UBAP1: variants seen among roughly 807,000 people sequenced by gnomAD.
The protein encoded by UBAP1 is ubiquitin associated protein 1.
Under a neutral mutation model 39.0 loss-of-function variants are expected in UBAP1, and 5 were observed. The observed-to-expected ratio is 0.13, with a 90% CI of 0.07 to 0.27. The LOEUF (loss-of-function observed/expected upper bound fraction) is 0.27, where lower values mean the gene tolerates loss of function less well. Ranked by LOEUF, UBAP1 falls within the 10% of genes least tolerant of loss-of-function variation. The pLI, the probability that UBAP1 is intolerant of heterozygous loss-of-function variation, is 1.00. For missense variants in UBAP1, 490 were observed against 608.1 expected, an observed-to-expected ratio of 0.81 and a Z score of 2.04; for synonymous variants, 211 against 225.1, an observed-to-expected ratio of 0.94 and a Z score of 0.56.
At position 34,182,663 on chromosome 9, in the gene UBAP1, CTTTCTTTCTT is replaced by C. The variant is rs1193440386; in HGVS notation, c.-8+3425_-8+3434del. 1.4e-3 allele frequency among the ~76,000 whole-genome samples: 90 copies of C among 62,826 alleles called. 2 individuals carry two copies. Among genetic ancestry groups the C allele is most frequent in the Admixed American group, 4.2e-3 (21 of 5,046 alleles). The allele number at this position is 62,826 out of a possible 152,430, so 41.2% of individuals were successfully genotyped here. A position where few individuals can be genotyped will look rare whatever the true frequency, so the allele number is the denominator to read the frequency against. On this transcript the variant is annotated intron_variant, in intron 1 of 6. Transcript: ENST00000297661. ...TCTTTCTTTCTTTCTTTCTTTCTTTCTTTCTTTCTTTCTTTCTTTCTCTCTCTCTTTCTTT... is the reference window on the plus strand; with the variant it reads ...TCTTTCTTTCTTTCTTTCTTTCTTTCTCTTTCTTTCTCTCTCTCTTTCTTT...
chr9:34,210,539 C>T (rs1831957041), intron 1 of UBAP1, among the ~76,000 whole-genome samples: 2 of 151,630 alleles, frequency 1.3e-5, no homozygotes, highest in African/African-American at 2.4e-5. Flanking sequence ...GCCAACATGG[C>T]AAAAACCCAT....
At chr9:34,235,373 C>CT in intron 3 of UBAP1, among the ~76,000 whole-genome samples, 2 of 152,032 alleles carry the variant, frequency 1.3e-5, no homozygotes, top group African/African-American at 4.8e-5. Flanking sequence ...GAGTCTCACT[C>CT]TGTCGCCCAG....
chr9:34,211,037 A>T (rs1402369214), intron 1 of UBAP1, among the ~76,000 whole-genome samples: 1 of 152,184 alleles, frequency 6.6e-6, no homozygotes, highest in Non-Finnish European at 1.5e-5. Flanking sequence ...TGGGATGATG[A>T]ACATATGATT....
At chr9:34,224,086 G>T in intron 2 of UBAP1, 2 of 693,650 alleles carry the variant, frequency 2.9e-6, no homozygotes, top group Non-Finnish European at 4.7e-6. Context: ...GCCTTGAAGT[G>T]ATGCACGCAA....
chr9:34,212,654 A>G (rs940674937), intron 1 of UBAP1, among the ~76,000 whole-genome samples: 2 of 152,102 alleles, frequency 1.3e-5, no homozygotes, highest in African/African-American at 4.8e-5. Context: ...CCTAGCTTAA[A>G]TCAGGAGGAA....
At chr9:34,231,127 ATG>A (rs6150983) in intron 2 of UBAP1, among the ~76,000 whole-genome samples, 3,185 of 137,016 alleles carry the variant, frequency 0.023, 32 homozygotes, top group South Asian at 0.039. Context: ...TAAAAAAATT[ATG>A]TGTGTGTGTG....
At chr9:34,211,623 C>T (rs1832021742) in intron 1 of UBAP1, among the ~76,000 whole-genome samples, 5 of 152,086 alleles carry the variant, frequency 3.3e-5, no homozygotes, top group Admixed American at 3.3e-4. Context: ...CTTTCTCCTC[C>T]CCTTCTCAGA....
intron 1 of UBAP1, among the ~76,000 whole-genome samples, chr9:34,189,369 A>C (rs917737070): frequency 6.6e-6 from 1 of 150,640 alleles, no homozygotes; most frequent in African/African-American, 2.4e-5. Context: ...TTATATTTTT[A>C]GTAGAAATGG....
chr9:34,223,734 C>T (rs10972008), intron 2 of UBAP1, among the ~76,000 whole-genome samples: 1 of 152,148 alleles, frequency 6.6e-6, no homozygotes, highest in Non-Finnish European at 1.5e-5. Context: ...GGGTTACAGG[C>T]GTGAGCCACC....
At chr9:34,196,032 C>G (rs1019082423) in intron 1 of UBAP1, among the ~76,000 whole-genome samples, 1 of 135,806 alleles carries the variant, frequency 7.4e-6, no homozygotes, top group Non-Finnish European at 1.5e-5. Flanking sequence ...CCTCCTACCT[C>G]AGTCTCCTGA....
At chr9:34,192,189 T>C (rs1048045954) in intron 1 of UBAP1, among the ~76,000 whole-genome samples, 1 of 151,524 alleles carries the variant, frequency 6.6e-6, no homozygotes, top group Non-Finnish European at 1.5e-5. Context: ...GAGCTTGTAT[T>C]GTAATGGCAG....
At position 34,213,784 on chromosome 9, in the gene UBAP1, C is replaced by G. The variant is rs146989938; in HGVS notation, c.-7-7124C>G. On this transcript the variant is annotated intron_variant, in intron 1 of 6. Transcript: ENST00000297661. Reference sequence around the variant, plus strand: ...TACCTTGAAAACCCTAAAGCCTCCTCCAGAAAGCTCCTAGAACTGATAAAA... The same window carrying G: ...TACCTTGAAAACCCTAAAGCCTCCTGCAGAAAGCTCCTAGAACTGATAAAA... Among the ~76,000 whole-genome samples, 562 of 152,256 alleles carry G rather than the reference C, an allele frequency of 3.7e-3. 3 individuals carry two copies. Among genetic ancestry groups the G allele is most frequent in the African/African-American group, 0.013 (547 of 41,538 alleles).
chr9:34,243,835 G>T (rs554869554), intron 4 of UBAP1, among the ~76,000 whole-genome samples: 1 of 151,716 alleles, frequency 6.6e-6, no homozygotes, highest in Non-Finnish European at 1.5e-5. Context: ...TCAAATGGTA[G>T]ATCTTATTCT....
chr9:34,237,532 C>G (rs947798115), intron 3 of UBAP1, among the ~76,000 whole-genome samples: 2 of 152,010 alleles, frequency 1.3e-5, no homozygotes, highest in Admixed American at 6.6e-5. Context: ...AGATATAATT[C>G]ACATACCATG....
intron 1 of UBAP1, among the ~76,000 whole-genome samples, chr9:34,185,744 G>A (rs1254148119): frequency 2.0e-5 from 3 of 152,060 alleles, no homozygotes; most frequent in Non-Finnish European, 4.4e-5. Flanking sequence ...TACTCAGGAG[G>A]CTGAGGCAGG....
chr9:34,204,143 G>A (rs918134398), intron 1 of UBAP1, among the ~76,000 whole-genome samples: 5 of 152,248 alleles, frequency 3.3e-5, no homozygotes, highest in South Asian at 2.1e-4. Flanking sequence ...CCTAGGCAAC[G>A]TGGTGAAATC....
chr9:34,214,747 C>A (rs547793512), intron 1 of UBAP1, among the ~76,000 whole-genome samples: 2 of 152,146 alleles, frequency 1.3e-5, no homozygotes, highest in South Asian at 4.1e-4. Context: ...ATACATCTGA[C>A]AAAGGACTGA....
chr9:34,230,479 C>G (rs1833351569), intron 2 of UBAP1, among the ~76,000 whole-genome samples: 2 of 152,104 alleles, frequency 1.3e-5, no homozygotes, highest in African/African-American at 4.8e-5. Flanking sequence ...TAAATCTTTC[C>G]AATGATTCTT....
chr9:34,184,959 A>T (rs1371293611), intron 1 of UBAP1, among the ~76,000 whole-genome samples: 1 of 116,030 alleles, frequency 8.6e-6, no homozygotes. Flanking sequence ...TTTGAGATGA[A>T]GTCTCGCTCT....
Sources: gnomAD v4.1 joint callset for allele counts (sites outside exome capture counted in the v4.1 genomes callset) on GRCh38, gnomAD v4.1.1 for gene constraint, MANE v1.5 for transcripts, NCBI Gene and HGNC (gene_info 2026-07-23, HGNC 2026-07-21) for gene names.